PLCB1: variants seen among roughly 807,000 people sequenced by gnomAD.
The protein encoded by PLCB1 is phospholipase C beta 1, also known as 1-phosphatidylinositol 4,5-bisphosphate phosphodiesterase beta-1.
PLCB1 carries 46 observed loss-of-function variants against 161.8 expected under a neutral mutation model. That is an observed-to-expected ratio of 0.28 (90% CI 0.22 to 0.36). The LOEUF (loss-of-function observed/expected upper bound fraction) is 0.36, where lower values mean the gene tolerates loss of function less well. Among genes scored for constraint, PLCB1 ranks in the 10% least tolerant of loss-of-function variants. The pLI is 1.00. For synonymous variants in PLCB1, 517 were observed against 503.7 expected, an observed-to-expected ratio of 1.03 and a Z score of -0.35; for missense variants, 1,016 against 1,472.5, an observed-to-expected ratio of 0.69 and a Z score of 5.07.
At chr20:8,139,673 C>T (rs779951752) in intron 1 of PLCB1, among the ~76,000 whole-genome samples, 19 of 152,110 alleles carry the variant, frequency 1.2e-4, no homozygotes, top group Non-Finnish European at 1.8e-4. Context: ...AGAAGCCATA[C>T]AAGCTCATGA....
chr20:8,368,214 G>A (rs949416818), intron 2 of PLCB1, among the ~76,000 whole-genome samples: 18 of 152,070 alleles, frequency 1.2e-4, no homozygotes, highest in African/African-American at 4.1e-4. Context: ...TTCTTCAATT[G>A]GGAGGAATTT....
chr20:8,582,698 G>C (rs1291765268), intron 3 of PLCB1, among the ~76,000 whole-genome samples: 1 of 152,094 alleles, frequency 6.6e-6, no homozygotes, highest in African/African-American at 2.4e-5. Context: ...GCCTTAAAAA[G>C]AAAAATTGGC....
At chr20:8,466,362 T>C (rs576366006) in intron 3 of PLCB1, among the ~76,000 whole-genome samples, 173 of 148,742 alleles carry the variant, frequency 1.2e-3, no homozygotes, top group Non-Finnish European at 1.4e-3. Flanking sequence ...TTGGGAGATA[T>C]ACCTAATGCT....
At chr20:8,414,082 G>A (rs938194168) in intron 3 of PLCB1, among the ~76,000 whole-genome samples, 1 of 151,772 alleles carries the variant, frequency 6.6e-6, no homozygotes, top group Non-Finnish European at 1.5e-5. Context: ...ATGACTATAT[G>A]AGTCAATAAA....
chr20:8,840,435 T>C (rs1986456433), intron 31 of PLCB1, among the ~76,000 whole-genome samples: 1 of 152,136 alleles, frequency 6.6e-6, no homozygotes, highest in Non-Finnish European at 1.5e-5. Context: ...GAGTGAGTGC[T>C]CTGAGGAAGC....
At chr20:8,523,642 T>G (rs6118228) in intron 3 of PLCB1, among the ~76,000 whole-genome samples, 14,556 of 150,434 alleles carry the variant, frequency 0.097, 866 homozygotes, top group East Asian at 0.22. Context: ...TAGTGAATAG[T>G]TGGCCACAGA....
At chr20:8,258,878 A>T (rs1301109665) in intron 2 of PLCB1, among the ~76,000 whole-genome samples, 2 of 152,114 alleles carry the variant, frequency 1.3e-5, no homozygotes, top group African/African-American at 4.8e-5. Flanking sequence ...TAACAATTCT[A>T]TACATTCATG....
intron 3 of PLCB1, among the ~76,000 whole-genome samples, chr20:8,414,470 A>G (rs927298823): frequency 6.6e-6 from 1 of 152,214 alleles, no homozygotes; most frequent in Non-Finnish European, 1.5e-5. Context: ...TGCCTTAGAC[A>G]CACCCTCCCT....
intron 31 of PLCB1, among the ~76,000 whole-genome samples, chr20:8,854,924 C>A (rs1381944193): frequency 6.6e-6 from 1 of 152,178 alleles, no homozygotes; most frequent in Non-Finnish European, 1.5e-5. Flanking sequence ...TACAGTACAG[C>A]AATTAATGGA....
chr20:8,623,889 A>G (rs1988255375), intron 3 of PLCB1: 1 of 152,200 alleles, frequency 6.6e-6, no homozygotes, highest in Admixed American at 6.5e-5. Context: ...CATCACACTC[A>G]TATATAAAAG....
chr20:8,724,641 T>G lies in PLCB1; in HGVS notation c.1582-15T>G, dbSNP rs941282061. 1.4e-6 allele frequency: 2 copies of G among 1,440,606 alleles called. No homozygotes were observed. Among genetic ancestry groups the G allele is most frequent in the African/African-American group, 2.8e-5 (2 of 71,200 alleles). 89.2% of individuals were successfully genotyped at this position (1,440,606 alleles called of 1,614,324 possible). On this transcript the variant is annotated splice_polypyrimidine_tract_variant and intron_variant, in intron 15 of 31. Transcript: ENST00000338037. ...CTGACTCTGGAAATGTTTTCTTTTTTATTCCTACTTCCAGGGGACTGCTGG... is the reference window on the plus strand; with the variant it reads ...CTGACTCTGGAAATGTTTTCTTTTTGATTCCTACTTCCAGGGGACTGCTGG...
chr20:8,448,696 T>C (rs1487234069), intron 3 of PLCB1, among the ~76,000 whole-genome samples: 2 of 152,202 alleles, frequency 1.3e-5, no homozygotes, highest in Non-Finnish European at 2.9e-5. Context: ...GGAGAATCCT[T>C]TCTACTGAAT....
intron 8 of PLCB1, among the ~76,000 whole-genome samples, chr20:8,658,249 T>C (rs1568549435): frequency 6.6e-6 from 1 of 152,192 alleles, no homozygotes; most frequent in Non-Finnish European, 1.5e-5. Flanking sequence ...TTTAGAGTGG[T>C]GCACCCTTAT....
At chr20:8,275,356 T>C (rs528517598) in intron 2 of PLCB1, among the ~76,000 whole-genome samples, 7 of 151,844 alleles carry the variant, frequency 4.6e-5, no homozygotes, top group Non-Finnish European at 1.0e-4. Context: ...ATTCTTCCCT[T>C]AATTCAAAGA....
chr20:8,769,497 G>C (rs1982558158), intron 26 of PLCB1, among the ~76,000 whole-genome samples: 1 of 151,950 alleles, frequency 6.6e-6, no homozygotes, highest in South Asian at 2.1e-4. Flanking sequence ...ACTCTTATCA[G>C]ATAGCCTATT....
At chr20:8,357,745 C>T (rs578045135) in intron 2 of PLCB1, among the ~76,000 whole-genome samples, 8 of 152,294 alleles carry the variant, frequency 5.3e-5, no homozygotes, top group South Asian at 2.1e-4. Context: ...TTCTGCCCTG[C>T]GTTCTGCTGA....
chr20:8,754,446 A>G (rs1426297338), intron 23 of PLCB1, among the ~76,000 whole-genome samples: 1 of 151,104 alleles, frequency 6.6e-6, no homozygotes, highest in Non-Finnish European at 1.5e-5. Flanking sequence ...GGTTTTCCCT[A>G]ACTTCCATTC....
chr20:8,773,101 T>A (rs1261922946), intron 26 of PLCB1, among the ~76,000 whole-genome samples: 2 of 152,198 alleles, frequency 1.3e-5, no homozygotes, highest in African/African-American at 4.8e-5. Flanking sequence ...CATCCCTTAT[T>A]TGACAAAATC....
chr20:8,552,968 GC>G, intron 3 of PLCB1, among the ~76,000 whole-genome samples: 1 of 152,268 alleles, frequency 6.6e-6, no homozygotes, highest in East Asian at 1.9e-4. Context: ...TGAACAAGCA[GC>G]ATGTGTCCAA....
Sources: gnomAD v4.1 joint callset for allele counts (sites outside exome capture counted in the v4.1 genomes callset) on GRCh38, gnomAD v4.1.1 for gene constraint, MANE v1.5 for transcripts, NCBI Gene and HGNC (gene_info 2026-07-23, HGNC 2026-07-21) for gene names.